The following APOL3 variants were observed in gnomAD, a reference collection of about 807,000 sequenced individuals.
APOL3 encodes the protein apolipoprotein L3.
Under a neutral mutation model 11.6 loss-of-function variants are expected in APOL3, and 14 were observed. The ratio of observed to expected loss-of-function variants is 1.21; its 90% CI spans 0.80 to 1.89. The LOEUF (loss-of-function observed/expected upper bound fraction) is 1.89. Ranked by LOEUF, APOL3 falls within the 40% of genes most tolerant of loss-of-function variation. The probability of loss-of-function intolerance (pLI) is 0.00; values close to 1 mark genes in which losing one functional copy is unlikely to be tolerated. For missense variants in APOL3, 483 were observed against 492.1 expected (o/e 0.98, Z 0.17); for synonymous variants, 192 against 190.6 (o/e 1.01, Z -0.06).
intron 1 of APOL3, among the ~76,000 whole-genome samples, chr22:36,148,260 T>C (rs376938436): frequency 3.9e-4 from 59 of 152,332 alleles, no homozygotes; most frequent in African/African-American, 1.4e-3. Flanking sequence ...CAGTCATCCC[T>C]GGTAAGCAGG....
chr22:36,148,293 G>A (rs1033283363), intron 1 of APOL3, among the ~76,000 whole-genome samples: 14 of 152,226 alleles, frequency 9.2e-5, no homozygotes, highest in Non-Finnish European at 1.9e-4. Flanking sequence ...GCCGTGCAGG[G>A]CAGGCGCCCT....
chr22:36,153,235 T>A (rs950930896), intron 1 of APOL3: 37 of 328,562 alleles, frequency 1.1e-4, no homozygotes, highest in African/African-American at 6.0e-4. Flanking sequence ...TTGATTTTTT[T>A]AAATTTTAAC....
At chr22:36,147,493 T>C (rs2060263223) in intron 1 of APOL3, among the ~76,000 whole-genome samples, 1 of 152,118 alleles carries the variant, frequency 6.6e-6, no homozygotes, top group East Asian at 1.9e-4. Context: ...GATTCCGGGG[T>C]TGGCTGGTAG....
At chr22:36,149,123 G>T (rs751341779) in intron 1 of APOL3, 10 of 1,367,926 alleles carry the variant, frequency 7.3e-6, no homozygotes, top group Admixed American at 5.7e-5. Flanking sequence ...GACTGGAAGG[G>T]TTCGTTTTTT....
At chr22:36,156,647 T>C (rs527631506) in intron 1 of APOL3, 43 of 219,434 alleles carry the variant, frequency 2.0e-4, no homozygotes, top group African/African-American at 9.1e-4. Context: ...CATGTGCAAG[T>C]CACCCATCCT....
exon 3 of APOL3, chr22:36,141,915 T>A: frequency 6.2e-7 from 1 of 1,614,230 alleles, no homozygotes; most frequent in Non-Finnish European, 8.5e-7. Context: ...TTCTATGGAC[T>A]CCTGGATCTT....
At chr22:36,151,711 T>C (rs1436304822) in intron 1 of APOL3, among the ~76,000 whole-genome samples, 1 of 152,194 alleles carries the variant, frequency 6.6e-6, no homozygotes, top group Non-Finnish European at 1.5e-5. Context: ...CCCCATACTT[T>C]GGGAGGGTAA....
intron 1 of APOL3, 97 bp downstream of exon 1, chr22:36,160,572 C>A (rs1381691347): frequency 7.6e-7 from 1 of 1,310,250 alleles, no homozygotes; most frequent in Non-Finnish European, 1.1e-6. Context: ...AGTTACCTAA[C>A]CTCTCTGAGC....
chr22:36,143,417 T>C (rs79802946), intron 2 of APOL3, among the ~76,000 whole-genome samples: 20,205 of 152,256 alleles, frequency 0.13, 1,485 homozygotes, highest in Non-Finnish European at 0.16. Flanking sequence ...TTGTAGTGAA[T>C]TATCAAACCT....
In APOL3 at chr22:36,146,428, T is replaced by G. The variant is rs530567593; in HGVS notation, c.224-829A>C. 5.3e-5 allele frequency: 8 copies of G among 152,160 alleles called. No homozygotes were observed. The South Asian group carries it at 1.0e-3, about 20-fold the overall frequency. 9.4% of individuals were successfully genotyped at this position (152,160 alleles called of 1,614,324 possible). ...CAAAATCTGAGTTTCGACCCATCAG[T>G]GGGTTATGAAAATAGTTCATTTTGT... On this transcript the variant is annotated intron_variant, in intron 1 of 2. Transcript: ENST00000349314.
upstream of APOL3, chr22:36,164,711 T>C (rs1256246014): frequency 6.6e-6 from 1 of 152,206 alleles, no homozygotes; most frequent in Non-Finnish European, 1.5e-5. Flanking sequence ...CACCAGAATA[T>C]CATTTTAAAC....
intron 1 of APOL3, among the ~76,000 whole-genome samples, chr22:36,154,019 T>C (rs132646): frequency 0.89 from 135,823 of 152,290 alleles, 60,855 homozygotes; most frequent in East Asian, 0.99. Flanking sequence ...GTTTGAGTTG[T>C]GATAAGAGGT....
chr22:36,144,032 C>T (rs2060096815), intron 2 of APOL3, among the ~76,000 whole-genome samples: 1 of 152,172 alleles, frequency 6.6e-6, no homozygotes, highest in African/African-American at 2.4e-5. Context: ...ACTTCCTCTA[C>T]TCTATGTAGA....
intron 2 of APOL3, among the ~76,000 whole-genome samples, chr22:36,143,530 A>G (rs1480875039): frequency 6.6e-6 from 1 of 152,216 alleles, no homozygotes; most frequent in Non-Finnish European, 1.5e-5. Flanking sequence ...TAAGCTATCA[A>G]ATAAAACCTC....
chr22:36,163,793 C>T (rs1873096485), upstream of APOL3, among the ~76,000 whole-genome samples: 1 of 152,250 alleles, frequency 6.6e-6, no homozygotes, highest in African/African-American at 2.4e-5. Context: ...TGCATCCACA[C>T]TCCTATGTAA....
chr22:36,161,062 C>T (rs150829854), upstream of APOL3: 6,762 of 626,916 alleles, frequency 0.011, 66 homozygotes, highest in Middle Eastern at 0.015. Flanking sequence ...GATTACTCCC[C>T]ACCCCCAATA....
chr22:36,149,734 C>T (rs2060359923), intron 1 of APOL3: 3 of 408,790 alleles, frequency 7.3e-6, no homozygotes, highest in South Asian at 5.3e-5. Context: ...CTGGGCTCCA[C>T]TCCCTTAAAT....
chr22:36,144,212 C>T (rs1243789924), intron 2 of APOL3, among the ~76,000 whole-genome samples: 2 of 152,106 alleles, frequency 1.3e-5, no homozygotes, highest in Admixed American at 6.5e-5. Context: ...GGCCACGTTA[C>T]CTTTCATGCC....
At chr22:36,165,429 A>G (rs773248169), upstream of APOL3, 5 of 152,144 alleles carry the variant, frequency 3.3e-5, no homozygotes, top group Non-Finnish European at 7.3e-5. Context: ...TAAAGTGCAA[A>G]CCAACTTAAA....
Sources: allele counts gnomAD v4.1 joint callset (sites outside exome capture counted in the v4.1 genomes callset), GRCh38; gene constraint gnomAD v4.1.1; transcripts MANE v1.5; gene names NCBI Gene and HGNC (gene_info 2026-07-23, HGNC 2026-07-21).